ADCY10: variants seen among roughly 807,000 people sequenced by gnomAD.
The protein encoded by ADCY10 is adenylate cyclase type 10.
Under a neutral mutation model 183.3 loss-of-function variants are expected in ADCY10, and 156 were observed. The ratio of observed to expected loss-of-function variants is 0.85; its 90% CI spans 0.75 to 0.97. The LOEUF (loss-of-function observed/expected upper bound fraction) is 0.97. ADCY10 is among the 50% of genes least tolerant of loss of function. ADCY10 has a pLI of 0.00. For synonymous variants in ADCY10, 645 were observed against 670.0 expected (o/e 0.96, Z 0.58); for missense variants, 1,745 against 1,934.3 (o/e 0.90, Z 1.84).
intron 10 of ADCY10, 72 bp downstream of exon 10, chr1:167,880,419 C>T (rs1667790247): frequency 1.8e-6 from 2 of 1,140,604 alleles, no homozygotes. Context: ...CTTTCCTGTT[C>T]CCTGCATGCC....
At chr1:167,901,871 C>G (rs1440821028) in intron 4 of ADCY10, 66 bp from the exon 5 acceptor site, 2 of 1,613,020 alleles carry the variant, frequency 1.2e-6, no homozygotes, top group Admixed American at 3.3e-5. Context: ...TGTATGAGAT[C>G]TGTATAGAAA....
intron 11 of ADCY10, among the ~76,000 whole-genome samples, chr1:167,879,029 A>G (rs976489714): frequency 5.9e-5 from 9 of 152,158 alleles, no homozygotes; most frequent in African/African-American, 2.2e-4. Flanking sequence ...ATGAGACATA[A>G]AATTGTGTCT....
intron 21 of ADCY10, among the ~76,000 whole-genome samples, chr1:167,842,361 G>A (rs1267416451): frequency 6.6e-6 from 1 of 152,048 alleles, no homozygotes; most frequent in Non-Finnish European, 1.5e-5. Context: ...TGTCCAGGCT[G>A]GTCTTGAACC....
intron 13 of ADCY10, among the ~76,000 whole-genome samples, chr1:167,871,519 C>CT (rs1334211909): frequency 6.6e-6 from 1 of 152,138 alleles, no homozygotes. Flanking sequence ...TGAAACCCTG[C>CT]TGTAAGGAGC....
intron 30 of ADCY10, 106 bp from the exon 31 acceptor site, chr1:167,818,373 G>A (rs1662660738): frequency 7.8e-6 from 8 of 1,027,790 alleles, no homozygotes; most frequent in South Asian, 7.6e-5. Flanking sequence ...CTGGGTCTCT[G>A]GAAGTGTGTA....
intron 13 of ADCY10, among the ~76,000 whole-genome samples, chr1:167,872,995 G>A (rs556252869): frequency 2.3e-4 from 35 of 151,860 alleles, no homozygotes; most frequent in Admixed American, 9.2e-4. Flanking sequence ...GCTTGAACCC[G>A]GGACGCAGAG....
rs578010198 is a variant in ADCY10, at chr1:167,848,132, C to T, written c.2437+229G>A. 2.2e-3 allele frequency among the ~76,000 whole-genome samples: 341 copies of T among 151,952 alleles called. 2 individuals are homozygous for T. Among genetic ancestry groups the T allele is most frequent in the African/African-American group, 7.9e-3 (329 of 41,448 alleles). ...ACCCAGGCTGGAGTGCAGTGGCTCA[C>T]TGCAACCTCCGCCTCCCAGGTTCAA... On this transcript the variant is annotated intron_variant, in intron 19 of 32. Coordinates refer to ENST00000367851, the MANE Select transcript of ADCY10 (RefSeq NM_018417.6).
chr1:167,872,999 C>T (rs1029656942), intron 13 of ADCY10, among the ~76,000 whole-genome samples: 3 of 151,060 alleles, frequency 2.0e-5, no homozygotes, highest in East Asian at 1.9e-4. Flanking sequence ...GAACCCGGGA[C>T]GCAGAGGTTG....
chr1:167,888,885 A>G (rs1018900900), intron 8 of ADCY10, among the ~76,000 whole-genome samples: 10 of 151,324 alleles, frequency 6.6e-5, no homozygotes, highest in Admixed American at 5.3e-4. Flanking sequence ...CAAAAAAAAA[A>G]AAAAAGAAAA....
At chr1:167,890,561 C>T (rs1028703097) in intron 8 of ADCY10, among the ~76,000 whole-genome samples, 1 of 152,100 alleles carries the variant, frequency 6.6e-6, no homozygotes, top group Admixed American at 6.6e-5. Context: ...TACTACCAGG[C>T]TACCACCTAT....
chr1:167,888,520 T>A (rs1668378728), intron 8 of ADCY10, among the ~76,000 whole-genome samples: 1 of 152,166 alleles, frequency 6.6e-6, no homozygotes, highest in South Asian at 2.1e-4. Flanking sequence ...TATTTTTAGC[T>A]ATTGTTAACA....
At chr1:167,863,298 A>G (rs982073847) in intron 14 of ADCY10, among the ~76,000 whole-genome samples, 2 of 152,138 alleles carry the variant, frequency 1.3e-5, no homozygotes, top group Non-Finnish European at 2.9e-5. Flanking sequence ...AGGGCATTGT[A>G]TGGAAGGACA....
intron 26 of ADCY10, among the ~76,000 whole-genome samples, chr1:167,825,679 G>A (rs1304578016): frequency 2.0e-5 from 3 of 152,176 alleles, no homozygotes; most frequent in Non-Finnish European, 4.4e-5. Flanking sequence ...TAGCTACTCA[G>A]GAAGCTGAGG....
At chr1:167,886,728 A>G (rs979685792) in intron 8 of ADCY10, among the ~76,000 whole-genome samples, 3 of 152,252 alleles carry the variant, frequency 2.0e-5, no homozygotes, top group Non-Finnish European at 4.4e-5. Context: ...GCTTCTGAAC[A>G]GCAAAAGAAA....
Position 167,899,606 on chromosome 1 carries a change from G to A in ADCY10, c.459C>T (p.Ser153=). The A allele has an allele frequency of 1.9e-6, 3 of 1,614,042 alleles. No homozygotes were observed. Among genetic ancestry groups the A allele is most frequent in the Non-Finnish European group, 2.5e-6 (3 of 1,180,038 alleles). The part of the protein sequence containing the change: ...VKIGLAAGHI[S]MLVFGDETHS... ...GTGTTTCATCTCCAAAGACCAACAT[G>A]CTGATGTGGCCAGCAGCCAGTCCTG... Residue 153 remains serine, a synonymous_variant, in exon 6 of 33, where the codon AGC becomes AGT. Coordinates refer to ENST00000367851, the MANE Select transcript of ADCY10 (RefSeq NM_018417.6).
In ADCY10 at chr1:167,850,630, G is replaced by A. The variant is rs79013577; in HGVS notation, c.2309-2141C>T. 1.0e-3 allele frequency among the ~76,000 whole-genome samples: 153 copies of A among 151,348 alleles called. 2 individuals are homozygous for A. Among genetic ancestry groups the A allele is most frequent in the African/African-American group, 3.5e-3 (143 of 41,114 alleles). On this transcript the variant is annotated intron_variant, in intron 18 of 32. Transcript: ENST00000367851. Reference sequence around the variant, plus strand: ...ACAGGAGGAGTGTGGGGTCAGGAAAGCCAAGGGAGGATAGCATACCAAAAA... The same window carrying A: ...ACAGGAGGAGTGTGGGGTCAGGAAAACCAAGGGAGGATAGCATACCAAAAA...
chr1:167,829,075 A>G (rs1296515278), intron 26 of ADCY10, among the ~76,000 whole-genome samples, 192 bp downstream of exon 26: 1 of 152,228 alleles, frequency 6.6e-6, no homozygotes, highest in African/African-American at 2.4e-5. Flanking sequence ...CGGGATCTTC[A>G]ATAATTTTTA....
chr1:167,833,228 C>G (rs1663904430), intron 24 of ADCY10, 66 bp from the exon 25 acceptor site: 2 of 1,431,654 alleles, frequency 1.4e-6, no homozygotes, highest in East Asian at 4.5e-5. Flanking sequence ...ATTAGTAGGT[C>G]CCAACAATCC....
At chr1:167,837,202 G>C (rs747034314) in intron 22 of ADCY10, 47 bp downstream of exon 22, 3 of 1,488,450 alleles carry the variant, frequency 2.0e-6, no homozygotes, top group Admixed American at 3.3e-5. Context: ...TGAATTTAAT[G>C]ACAATTATTT....
Sources: gnomAD v4.1 joint callset for allele counts (sites outside exome capture counted in the v4.1 genomes callset) on GRCh38, gnomAD v4.1.1 for gene constraint, MANE v1.5 for transcripts, NCBI Gene and HGNC (gene_info 2026-07-23, HGNC 2026-07-21) for gene names.